The following NUMBL variants were observed in gnomAD, a reference collection of about 807,000 sequenced individuals.
The protein encoded by NUMBL is numb-like protein.
A neutral mutation model predicts 48.9 loss-of-function variants in NUMBL; 20 were observed. The observed-to-expected ratio is 0.41, with a 90% CI of 0.29 to 0.59. The LOEUF (loss-of-function observed/expected upper bound fraction) is 0.59, where lower values mean the gene tolerates loss of function less well. NUMBL is among the 20% of genes least tolerant of loss of function. The pLI, the probability that NUMBL is intolerant of heterozygous loss-of-function variation, is 0.31. For synonymous variants in NUMBL, 340 were observed against 348.7 expected (o/e 0.98, Z 0.28); for missense variants, 660 against 846.2 (o/e 0.78, Z 2.73).
chr19:40,673,641 C>A lies in NUMBL; in HGVS notation c.739G>T (p.Ala247Ser). 6.7e-7 allele frequency: 1 copy of A among 1,487,424 alleles called. No homozygotes were observed. Among genetic ancestry groups the A allele is most frequent in the Non-Finnish European group, 9.0e-7 (1 of 1,114,688 alleles). The allele number at this position is 1,487,424 out of a possible 1,614,324, so 92.1% of individuals were successfully genotyped here. A position where few individuals can be genotyped will look rare whatever the true frequency, so the allele number is the denominator to read the frequency against. ...CCAGGAGCCACAGTGGGGGCAGCTGCTGCCTCTGCTGGAGACATGGGGGAG... is the reference window on the plus strand; with the variant it reads ...CCAGGAGCCACAGTGGGGGCAGCTGATGCCTCTGCTGGAGACATGGGGGAG... ...EAPDKKKAEA[A>S]AAPTVAPGPA... Residue 247 changes from alanine (A) to serine (S), a missense_variant, in exon 8 of 10, where the codon GCA becomes TCA. This residue lies in a region of NUMBL where 278 missense variants were observed against 420.6 expected (regional missense o/e 0.66). Coordinates refer to ENST00000252891, the MANE Select transcript of NUMBL (RefSeq NM_004756.5). This position sits in a 1 kb window ranked among gnomAD's most constrained non-coding sequence, Gnocchi z 5.9.
At chr19:40,681,679 A>C (rs10403730) in intron 5 of NUMBL, among the ~76,000 whole-genome samples, 1 of 151,212 alleles carries the variant, frequency 6.6e-6, no homozygotes, top group Non-Finnish European at 1.5e-5. Flanking sequence ...ATATATATAT[A>C]TATTTTTTTC....
At chr19:40,671,610 T>G (rs1172891568) in intron 8 of NUMBL, among the ~76,000 whole-genome samples, 1 of 152,158 alleles carries the variant, frequency 6.6e-6, no homozygotes, top group Non-Finnish European at 1.5e-5. Context: ...GGAGGGAGCG[T>G]GCGTCACTCT....
At chr19:40,686,136 T>G (rs2081933124) in intron 2 of NUMBL, 1 of 149,686 alleles carries the variant, frequency 6.7e-6, no homozygotes, top group South Asian at 2.1e-4. Flanking sequence ...GTTGTCAGAC[T>G]GTGCAAGAGT....
chr19:40,670,546 GAGGGCT>G (rs1276301142), intron 8 of NUMBL, among the ~76,000 whole-genome samples: 7 of 152,032 alleles, frequency 4.6e-5, no homozygotes, highest in African/African-American at 1.7e-4. Flanking sequence ...GCGGCCCCGT[GAGGGCT>G]TGTGATGAGC....
At chr19:40,677,490 G>A in intron 6 of NUMBL, 69 bp from the exon 7 acceptor site, 2 of 1,443,280 alleles carry the variant, frequency 1.4e-6, no homozygotes, top group Non-Finnish European at 1.9e-6. Context: ...GGGGCACTGG[G>A]TTATAGCCGC....
Position 40,672,681 on chromosome 19 carries a change from C to T in NUMBL, c.1036+663G>A, listed in dbSNP as rs2081854435. The stretch of plus-strand genomic sequence containing the variant: ...ACACACTGCATGGAGATCATGACTG[C>T]TAACCGATCATGATGTGTGCCATCT... On this transcript the variant is annotated intron_variant, in intron 8 of 9. Coordinates refer to ENST00000252891, the MANE Select transcript of NUMBL (RefSeq NM_004756.5). Among the ~76,000 whole-genome samples the T allele has an allele frequency of 3.3e-5, 5 of 152,268 alleles. 1 individual carries two copies. The South Asian group carries it at 1.0e-3, about 31-fold the overall frequency.
Position 40,668,128 on chromosome 19 carries a change from G to T in NUMBL, c.1170C>A (p.Ala390=). 3 of 1,599,052 alleles carry T rather than the reference G, an allele frequency of 1.9e-6. No homozygotes were observed. The highest frequency in any genetic ancestry group is 2.6e-6 in the Non-Finnish European group (3 of 1,172,406). ...GPPPATTGTS[A]WGEPSVPPAA... ...CAGGGGGCACGGAGGGCTCACCCCA[G>T]GCAGAAGTCCCTGGAGAGAGGAGAG... is the stretch of plus-strand genomic sequence containing the variant. Residue 390 remains alanine (A), a synonymous_variant, in exon 10 of 10, where the codon GCC becomes GCA. Coordinates refer to ENST00000252891, the MANE Select transcript of NUMBL (RefSeq NM_004756.5).
Position 40,670,073 on chromosome 19 carries a change from GCCCCGCCCTCTACC to G in NUMBL, c.1037-67_1037-54del, listed in dbSNP as rs927111462. 4.8e-5 allele frequency: 76 copies of G among 1,583,530 alleles called. 1 individual carries two copies. In the Middle Eastern group the frequency reaches 6.1e-4, roughly 13 times the overall value. ...GCAAACAGGCCCAGACCCTGCCGCAGCCCCGCCCTCTACCCCCCGCCCTCGGTGGCCCTCTCTTC... is the reference window on the plus strand; with the variant it reads ...GCAAACAGGCCCAGACCCTGCCGCAGCCCCGCCCTCGGTGGCCCTCTCTTC... On this transcript the variant is annotated intron_variant, in intron 8 of 9. Transcript: ENST00000252891.
rs1046839855 is a variant in NUMBL, at chr19:40,666,232, C to T, written c.*1236G>A. 2 of 147,620 alleles carry T rather than the reference C, an allele frequency of 1.4e-5. No individual in the cohort carries two copies. The highest frequency in any genetic ancestry group is 3.0e-5 in the Non-Finnish European group (2 of 67,568). The allele number at this position is 147,620 out of a possible 1,614,324, so 9.1% of individuals were successfully genotyped here. On this transcript the variant is annotated 3_prime_UTR_variant, in exon 10 of 10. Coordinates refer to ENST00000252891, the MANE Select transcript of NUMBL (RefSeq NM_004756.5). ...GTGTGACCTCAGGTCACTGCAACCT[C>T]TGCTGCCTGGGTTCAAGCGATTCTT...
At position 40,667,985 on chromosome 19, in the gene NUMBL, T is replaced by C; in HGVS notation, c.1313A>G (p.Gln438Arg). The C allele has an allele frequency of 2.3e-6, 3 of 1,313,644 alleles. No homozygotes were observed. Among genetic ancestry groups the C allele is most frequent in the Non-Finnish European group, 3.0e-6 (3 of 986,186 alleles). 81.4% of individuals were successfully genotyped at this position (1,313,644 alleles called of 1,614,324 possible). Reference sequence around the variant, plus strand: ...TTGCTGCTGTTGCTGCTGCTGCTGCTGCTGCTGTTGCTGTTGCTGCTGCTG... The same window carrying C: ...TTGCTGCTGTTGCTGCTGCTGCTGCCGCTGCTGTTGCTGTTGCTGCTGCTG... ...QQQQQQQQQQ[Q>R]QQQQQQQQAA... The change falls in exon 10 of 10, where the codon CAG (glutamine) becomes CGG (arginine). Residue 438 changes from glutamine to arginine, a missense_variant. Gln to Arg is a conservative substitution (Grantham distance 43). Around this residue, in one of 3 missense-constraint regions of NUMBL, gnomAD observed 296 missense variants for 339.7 expected, o/e 0.87. Transcript: ENST00000252891. This position sits in a 1 kb window ranked among gnomAD's most constrained non-coding sequence, Gnocchi z 6.1.
In NUMBL at chr19:40,682,822, C is replaced by A; in HGVS notation, c.325-20G>T. Reference sequence around the variant, plus strand: ...GCCCATCTGGAGGGAGGCAAGGGGACAAAGGAGCCGGGTCAGGGTGCCTCT... The same window carrying A: ...GCCCATCTGGAGGGAGGCAAGGGGAAAAAGGAGCCGGGTCAGGGTGCCTCT... On this transcript the variant is annotated intron_variant, in intron 4 of 9. Coordinates refer to ENST00000252891, the MANE Select transcript of NUMBL (RefSeq NM_004756.5). This position sits in a 1 kb window ranked among gnomAD's most constrained non-coding sequence, Gnocchi z 4.0. 6.2e-7 allele frequency: 1 copy of A among 1,614,150 alleles called. No homozygotes were observed. Among genetic ancestry groups the A allele is most frequent in the South Asian group, 1.1e-5 (1 of 91,076 alleles).
intron 6 of NUMBL, 95 bp downstream of exon 6, chr19:40,680,822 G>T: frequency 7.4e-7 from 1 of 1,351,078 alleles, no homozygotes; most frequent in Non-Finnish European, 1.1e-6. Context: ...GCACACAGAG[G>T]TTAGTGATGT....
At chr19:40,686,415 G>T (rs961119811) in intron 2 of NUMBL, among the ~76,000 whole-genome samples, 7 of 152,096 alleles carry the variant, frequency 4.6e-5, no homozygotes, top group African/African-American at 9.7e-5. Context: ...TCCCGCCTCA[G>T]CCTCCCAAAG....
Position 40,682,687 on chromosome 19 carries a change from G to A in NUMBL, c.399+41C>T, listed in dbSNP as rs200812070. 9 of 1,594,676 alleles carry A rather than the reference G, an allele frequency of 5.6e-6. No homozygotes were observed. Among genetic ancestry groups the A allele is most frequent in the Non-Finnish European group, 6.9e-6 (8 of 1,165,038 alleles). On this transcript the variant is annotated intron_variant, in intron 5 of 9. Coordinates refer to ENST00000252891, the MANE Select transcript of NUMBL (RefSeq NM_004756.5). This position sits in a 1 kb window ranked among gnomAD's most constrained non-coding sequence, Gnocchi z 4.0. ...CTCCGCCCTGATTCCAGCAGGGTGA[G>A]CAGACAGGCCCCCTGGCGTCCACCC...
At position 40,668,020 on chromosome 19, in the gene NUMBL, G is replaced by C. The variant is rs901570721; in HGVS notation, c.1278C>G (p.Ala426=). ...WLEEVSQVAK[A]QQQQQQQQQQ... ...GCTGTTGCTGCTGCTGCTGCTGCTG[G>C]GCCTTGGCCACCTGTGACACCTCCT... The change falls in exon 10 of 10, where the codon GCC becomes GCG. Residue 426 remains alanine (A), a synonymous_variant. Coordinates refer to ENST00000252891, the MANE Select transcript of NUMBL (RefSeq NM_004756.5). 1 of 1,570,740 alleles carries C rather than the reference G, an allele frequency of 6.4e-7. No individual in the cohort carries two copies. Among genetic ancestry groups the C allele is most frequent in the Non-Finnish European group, 8.6e-7 (1 of 1,158,102 alleles).
At chr19:40,683,669 G>A (rs372673801) in intron 3 of NUMBL, among the ~76,000 whole-genome samples, 37 of 152,324 alleles carry the variant, frequency 2.4e-4, no homozygotes, top group African/African-American at 7.5e-4. Context: ...ATGTAAAAGC[G>A]TAGGGTATGG....
intron 5 of NUMBL, among the ~76,000 whole-genome samples, chr19:40,681,635 T>C (rs2081905709): frequency 6.6e-6 from 1 of 152,158 alleles, no homozygotes; most frequent in Non-Finnish European, 1.5e-5. Context: ...CATTCATTGA[T>C]CTGAGCAGTT....
chr19:40,682,633 G>C lies in NUMBL; in HGVS notation c.399+95C>G, dbSNP rs1460803790. ...CATCGTCTAGAAGGTCCCTGAGGGA[G>C]GGATGTGCAGAGGAGGCGGGAAGGT... On this transcript the variant is annotated intron_variant, in intron 5 of 9. Transcript: ENST00000252891. The surrounding 1 kb of genome is among the most constrained non-coding windows in gnomAD (Gnocchi z 4.0). 3 of 1,111,102 alleles carry C rather than the reference G, an allele frequency of 2.7e-6. No individual in the cohort carries two copies. The East Asian group carries it at 7.1e-5, about 26-fold the overall frequency. The allele number at this position is 1,111,102 out of a possible 1,614,324, so 68.8% of individuals were successfully genotyped here. A position where few individuals can be genotyped will look rare whatever the true frequency, so the allele number is the denominator to read the frequency against.
In NUMBL at chr19:40,673,851, C is replaced by G. The variant is rs146428379; in HGVS notation, c.731-202G>C. 6.4e-3 allele frequency among the ~76,000 whole-genome samples: 972 copies of G among 152,170 alleles called. 14 individuals carry two copies. Among genetic ancestry groups the G allele is most frequent in the Middle Eastern group, 0.01 (3 of 294 alleles). ...CTTCCCCAGGAGGCTCTTGGAAAAC[C>G]GTCCCCCAGGCTCACCCTCTGTGTC... On this transcript the variant is annotated intron_variant, in intron 7 of 9. Transcript: ENST00000252891. This position sits in a 1 kb window ranked among gnomAD's most constrained non-coding sequence, Gnocchi z 5.9.
Sources: gnomAD v4.1 joint callset for allele counts (sites outside exome capture counted in the v4.1 genomes callset) on GRCh38, gnomAD v4.1.1 for gene constraint, gnomAD v4.1.1 regional missense constraint, Gnocchi (gnomAD v3.1) non-coding constraint, MANE v1.5 for transcripts, NCBI Gene and HGNC (gene_info 2026-07-23, HGNC 2026-07-21) for gene names.